MRPS28: variants seen among roughly 807,000 people sequenced by gnomAD.
MRPS28 encodes the protein small ribosomal subunit protein bS1m.
Under a neutral mutation model 10.8 loss-of-function variants are expected in MRPS28, and 7 were observed. That is an observed-to-expected ratio of 0.65 (90% CI 0.37 to 1.22). MRPS28 has a LOEUF of 1.22. Among genes scored for constraint, MRPS28 ranks in the 50% most tolerant of loss-of-function variants. The pLI is 0.02. For synonymous variants in MRPS28, 121 were observed against 93.3 expected, an observed-to-expected ratio of 1.30 and a Z score of -1.71; for missense variants, 265 against 232.9, an observed-to-expected ratio of 1.14 and a Z score of -0.90.
At chr8:79,922,480 T>A (rs918160415) in intron 2 of MRPS28, among the ~76,000 whole-genome samples, 5 of 152,170 alleles carry the variant, frequency 3.3e-5, no homozygotes, top group Non-Finnish European at 7.4e-5. Context: ...GTTCTCATCA[T>A]CAAAAATGAT....
intron 2 of MRPS28, among the ~76,000 whole-genome samples, chr8:79,961,066 A>G (rs1414243891): frequency 6.6e-6 from 1 of 152,092 alleles, no homozygotes; most frequent in Non-Finnish European, 1.5e-5. Context: ...CCCAAGGCCC[A>G]TAACTCTGTT....
At chr8:79,976,627 A>C (rs544674409) in intron 2 of MRPS28, among the ~76,000 whole-genome samples, 1 of 152,068 alleles carries the variant, frequency 6.6e-6, no homozygotes, top group African/African-American at 2.4e-5. Flanking sequence ...GATTGCTTCA[A>C]CCAGGGAGGT....
At chr8:80,021,905 A>C (rs1263880208) in intron 1 of MRPS28, among the ~76,000 whole-genome samples, 2 of 152,250 alleles carry the variant, frequency 1.3e-5, no homozygotes, top group African/African-American at 4.8e-5. Context: ...ATAGTATGAT[A>C]TCACAACTAG....
intron 2 of MRPS28, among the ~76,000 whole-genome samples, chr8:79,999,403 A>G (rs897905000): frequency 7.2e-5 from 11 of 152,264 alleles, no homozygotes; most frequent in Non-Finnish European, 1.2e-4. Context: ...AGATATAAGT[A>G]GGAGTAATCA....
intron 1 of MRPS28, among the ~76,000 whole-genome samples, chr8:80,013,634 C>CA (rs5892700): frequency 0.025 from 1,909 of 75,546 alleles, 65 homozygotes; most frequent in African/African-American, 0.09. Context: ...GACTCCATCT[C>CA]AAAAAAAAAA....
intron 2 of MRPS28, among the ~76,000 whole-genome samples, chr8:79,999,181 A>C (rs1808588953): frequency 6.6e-6 from 1 of 152,238 alleles, no homozygotes; most frequent in Non-Finnish European, 1.5e-5. Context: ...GCCTCCTAGA[A>C]GCTGCTCAGT....
intron 2 of MRPS28, among the ~76,000 whole-genome samples, chr8:79,941,039 C>T (rs1262759699): frequency 6.6e-6 from 1 of 152,082 alleles, no homozygotes; most frequent in Non-Finnish European, 1.5e-5. Flanking sequence ...AATATAAAAG[C>T]ACTTGGGAGC....
chr8:79,936,991 G>A (rs1806621065), intron 2 of MRPS28, among the ~76,000 whole-genome samples: 1 of 152,122 alleles, frequency 6.6e-6, no homozygotes, highest in African/African-American at 2.4e-5. Context: ...CTCCCAAGTA[G>A]CTGGGATTAC....
intron 2 of MRPS28, among the ~76,000 whole-genome samples, chr8:79,930,811 T>C (rs1455871756): frequency 3.3e-5 from 5 of 152,230 alleles, no homozygotes. Flanking sequence ...AATGCTAATA[T>C]CTTATTCTAA....
At chr8:79,991,908 T>TGCTCTC (rs1808372367) in intron 2 of MRPS28, among the ~76,000 whole-genome samples, 1 of 119,674 alleles carries the variant, frequency 8.4e-6, no homozygotes, top group Non-Finnish European at 1.7e-5. Flanking sequence ...ACTTCCTCCT[T>TGCTCTC]GCTCTCTCTC....
intron 1 of MRPS28, among the ~76,000 whole-genome samples, chr8:80,015,874 G>A (rs1409387846): frequency 4.0e-5 from 6 of 151,692 alleles, no homozygotes; most frequent in South Asian, 2.1e-4. Flanking sequence ...GCTAGAGATC[G>A]AAAGCCCTGT....
At chr8:79,921,658 C>T (rs2129844535) in intron 2 of MRPS28, among the ~76,000 whole-genome samples, 1 of 152,294 alleles carries the variant, frequency 6.6e-6, no homozygotes, top group South Asian at 2.1e-4. Context: ...GCTGAAGTTT[C>T]TTATCAGCTT....
intron 2 of MRPS28, among the ~76,000 whole-genome samples, chr8:79,951,324 G>A (rs1208305872): frequency 6.6e-6 from 1 of 152,186 alleles, no homozygotes; most frequent in African/African-American, 2.4e-5. Flanking sequence ...ACTGCAAAGT[G>A]AGAAGATGGC....
At chr8:80,021,814 C>A (rs1367564962) in intron 1 of MRPS28, among the ~76,000 whole-genome samples, 1 of 152,178 alleles carries the variant, frequency 6.6e-6, no homozygotes, top group South Asian at 2.1e-4. Flanking sequence ...ATTGTAGATT[C>A]ACATGCAATT....
chr8:79,945,089 C>G (rs536732729), intron 2 of MRPS28, among the ~76,000 whole-genome samples: 1 of 152,280 alleles, frequency 6.6e-6, no homozygotes, highest in African/African-American at 2.4e-5. Context: ...GAATGATCTA[C>G]ATAGGAACAT....
rs11350200 is a variant in MRPS28, at chr8:79,919,350, G to GAA, written c.396-204_396-203dup. 1.7e-3 allele frequency among the ~76,000 whole-genome samples: 236 copies of GAA among 142,776 alleles called. 2 individuals carry two copies. The highest frequency in any genetic ancestry group is 5.9e-3 in the African/African-American group (226 of 38,156). The allele number at this position is 142,776 out of a possible 152,430, so 93.7% of individuals were successfully genotyped here. On this transcript the variant is annotated intron_variant, in intron 2 of 2. Coordinates refer to ENST00000276585, the MANE Select transcript of MRPS28 (RefSeq NM_014018.3). ...CCCCCATCACCCAACTTTTTGTTTTGAAAAAAAAAAAAAAGAGTTTCACTC... is the reference window on the plus strand; with the variant it reads ...CCCCCATCACCCAACTTTTTGTTTTGAAAAAAAAAAAAAAAAGAGTTTCACTC...
intron 2 of MRPS28, among the ~76,000 whole-genome samples, chr8:79,972,339 C>T (rs1177333950): frequency 1.3e-5 from 2 of 152,156 alleles, no homozygotes; most frequent in Admixed American, 6.5e-5. Flanking sequence ...AACTAATCCT[C>T]CCACAGGTAC....
intron 2 of MRPS28, chr8:79,958,559 C>T: frequency 1.8e-6 from 1 of 566,514 alleles, no homozygotes; most frequent in Non-Finnish European, 3.1e-6. Context: ...GAAAGAGAGT[C>T]ACTAATTGAT....
At chr8:79,944,085 G>C (rs1484722566) in intron 2 of MRPS28, among the ~76,000 whole-genome samples, 1 of 152,076 alleles carries the variant, frequency 6.6e-6, no homozygotes, top group Non-Finnish European at 1.5e-5. Flanking sequence ...GAAAACAGTG[G>C]GCTACAACTA....
Sources: allele counts gnomAD v4.1 joint callset (sites outside exome capture counted in the v4.1 genomes callset), GRCh38; gene constraint gnomAD v4.1.1; transcripts MANE v1.5; gene names NCBI Gene and HGNC (gene_info 2026-07-23, HGNC 2026-07-21).